KIF16B: variants seen among roughly 807,000 people sequenced by gnomAD.
The protein encoded by KIF16B is kinesin family member 16B.
Under a neutral mutation model 156.3 loss-of-function variants are expected in KIF16B, and 98 were observed. That is an observed-to-expected ratio of 0.63 (90% CI 0.53 to 0.74). The LOEUF is 0.74. Among genes scored for constraint, KIF16B ranks in the 30% least tolerant of loss-of-function variants. KIF16B has a pLI of 0.00. For synonymous variants in KIF16B, 564 were observed against 583.7 expected (o/e 0.97, Z 0.49); for missense variants, 1,421 against 1,606.5 (o/e 0.88, Z 1.97).
At chr20:16,353,674 G>C (rs1038869035) in intron 23 of KIF16B, among the ~76,000 whole-genome samples, 6 of 152,266 alleles carry the variant, frequency 3.9e-5, no homozygotes, top group African/African-American at 1.4e-4. Flanking sequence ...TGAGGATTGT[G>C]GGGGCAGGGG....
At chr20:16,432,746 A>C (rs76299910) in intron 12 of KIF16B, among the ~76,000 whole-genome samples, 4,496 of 152,248 alleles carry the variant, frequency 0.03, 89 homozygotes, top group Non-Finnish European at 0.046. Flanking sequence ...CAACAACAAC[A>C]AAAAAAGGAT....
chr20:16,429,788 T>C, intron 13 of KIF16B, 75 bp downstream of exon 13: 1 of 1,276,530 alleles, frequency 7.8e-7, no homozygotes, highest in South Asian at 1.5e-5. Context: ...CCATAGAATA[T>C]TATAATAAAC....
At chr20:16,328,251 C>T (rs1250365396) in intron 24 of KIF16B, among the ~76,000 whole-genome samples, 1 of 152,112 alleles carries the variant, frequency 6.6e-6, no homozygotes, top group Non-Finnish European at 1.5e-5. Context: ...TTATGGAAGG[C>T]TCTCAAAATA....
chr20:16,359,654 CAAAAAAAA>C (rs577102110), intron 22 of KIF16B, among the ~76,000 whole-genome samples: 2 of 78,738 alleles, frequency 2.5e-5, no homozygotes, highest in East Asian at 1.2e-3. Flanking sequence ...AGATTCTTTA[CAAAAAAAA>C]AAAAAAAAAA....
At chr20:16,318,660 A>G (rs1430820999) in intron 24 of KIF16B, among the ~76,000 whole-genome samples, 1 of 152,212 alleles carries the variant, frequency 6.6e-6, no homozygotes, top group African/African-American at 2.4e-5. Context: ...AAATAGAATA[A>G]CTGAATAAAT....
chr20:16,387,508 A>G (rs2065257119), intron 17 of KIF16B, among the ~76,000 whole-genome samples: 1 of 152,198 alleles, frequency 6.6e-6, no homozygotes, highest in African/African-American at 2.4e-5. Context: ...GCGACAAGAC[A>G]AGGCTTACAG....
chr20:16,526,473 C>T lies in KIF16B; in HGVS notation c.118-268G>A, dbSNP rs541668437. On this transcript the variant is annotated intron_variant, in intron 2 of 25. Transcript: ENST00000354981. ...CTCCAGCCAGACTCTGTATTTCCAC[C>T]TTCAGTGATTTTTTACTGTTCCCTC... Among the ~76,000 whole-genome samples, 4 of 152,276 alleles carry T rather than the reference C, an allele frequency of 2.6e-5. No homozygotes were observed. The East Asian group carries it at 7.7e-4, about 29-fold the overall frequency.
chr20:16,468,575 CAAAAA>C (rs550510241), intron 12 of KIF16B, among the ~76,000 whole-genome samples: 19 of 35,846 alleles, frequency 5.3e-4, no homozygotes, highest in Middle Eastern at 0.025. Flanking sequence ...GACTCCGTCT[CAAAAA>C]AAAAAAAAAA....
Position 16,360,991 on chromosome 20 carries a change from C to T in KIF16B, c.3499-4539G>A, listed in dbSNP as rs552160231. On this transcript the variant is annotated intron_variant, in intron 22 of 25. Transcript: ENST00000354981. ...CTAAACATTCTAATTATGTACCAGACGGTCAAATTCAGTATACACATCATG... is the reference window on the plus strand; with the variant it reads ...CTAAACATTCTAATTATGTACCAGATGGTCAAATTCAGTATACACATCATG... Among the ~76,000 whole-genome samples the T allele has an allele frequency of 7.2e-5, 11 of 152,152 alleles. No homozygotes were observed. The South Asian group carries it at 1.0e-3, about 14-fold the overall frequency.
At chr20:16,366,512 A>G (rs1238043288) in intron 22 of KIF16B, among the ~76,000 whole-genome samples, 1 of 152,194 alleles carries the variant, frequency 6.6e-6, no homozygotes, top group African/African-American at 2.4e-5. Context: ...TGAAATCGCA[A>G]GAGTTAAAAG....
intron 24 of KIF16B, among the ~76,000 whole-genome samples, chr20:16,320,986 T>C (rs1383175497): frequency 6.6e-6 from 1 of 152,164 alleles, no homozygotes; most frequent in African/African-American, 2.4e-5. Context: ...TTTCATTTTC[T>C]TTCACTTCTG....
chr20:16,345,089 G>A (rs1181426906), intron 23 of KIF16B, among the ~76,000 whole-genome samples: 1 of 152,060 alleles, frequency 6.6e-6, no homozygotes, highest in African/African-American at 2.4e-5. Context: ...CTCCTCTCTC[G>A]TCTGCACTCA....
intron 12 of KIF16B, among the ~76,000 whole-genome samples, chr20:16,438,273 T>C (rs1165860229): frequency 1.3e-5 from 2 of 152,156 alleles, no homozygotes; most frequent in Admixed American, 1.3e-4. Context: ...TATCTGAAGT[T>C]TTGCTTTCCC....
intron 19 of KIF16B, among the ~76,000 whole-genome samples, chr20:16,375,605 C>CAA (rs1164470993): frequency 1.3e-5 from 1 of 75,280 alleles, no homozygotes; most frequent in Non-Finnish European, 2.7e-5. Flanking sequence ...AAGACATAAG[C>CAA]AAAAAAAAAA....
At chr20:16,477,185 TGG>T (rs369522587) in intron 12 of KIF16B, among the ~76,000 whole-genome samples, 6 of 118,702 alleles carry the variant, frequency 5.1e-5, no homozygotes, top group East Asian at 4.6e-4. Flanking sequence ...AATTTCCTTG[TGG>T]GTTTTTTTTT....
intron 6 of KIF16B, among the ~76,000 whole-genome samples, chr20:16,510,913 C>G (rs1265352817): frequency 2.6e-5 from 4 of 152,162 alleles, no homozygotes; most frequent in Admixed American, 1.3e-4. Flanking sequence ...AAATAATTAG[C>G]AAAGGCCAAT....
At chr20:16,399,862 C>T (rs1484438049) in intron 17 of KIF16B, among the ~76,000 whole-genome samples, 1 of 152,202 alleles carries the variant, frequency 6.6e-6, no homozygotes, top group Non-Finnish European at 1.5e-5. Context: ...ATTATCCAAA[C>T]CTCATGACTT....
chr20:16,420,347 T>A (rs754514124), intron 15 of KIF16B, among the ~76,000 whole-genome samples: 3 of 152,116 alleles, frequency 2.0e-5, no homozygotes, highest in Admixed American at 6.6e-5. Context: ...TAAATTTAGA[T>A]AAATCTCCGA....
In KIF16B at chr20:16,485,982, C is replaced by G. The variant is rs537925866; in HGVS notation, c.1302+8309G>C. ...AACTAATAATAGAACTGAAAAAAATCTTATTTATTTTATATAATCTCAAGC... is the reference window on the plus strand; with the variant it reads ...AACTAATAATAGAACTGAAAAAAATGTTATTTATTTTATATAATCTCAAGC... On this transcript the variant is annotated intron_variant, in intron 12 of 25. Coordinates refer to ENST00000354981, the MANE Select transcript of KIF16B (RefSeq NM_024704.5). Among the ~76,000 whole-genome samples the G allele has an allele frequency of 2.2e-4, 34 of 151,960 alleles. 1 individual carries two copies.
Sources: allele counts gnomAD v4.1 joint callset (sites outside exome capture counted in the v4.1 genomes callset), GRCh38; gene constraint gnomAD v4.1.1; transcripts MANE v1.5; gene names NCBI Gene and HGNC (gene_info 2026-07-23, HGNC 2026-07-21).